The following KYAT1 variants were observed in gnomAD, a reference collection of about 807,000 sequenced individuals.
KYAT1 encodes kynurenine--oxoglutarate transaminase 1.
KYAT1 carries 47 observed loss-of-function variants against 52.4 expected under a neutral mutation model. That is an observed-to-expected ratio of 0.90 (90% confidence interval 0.71 to 1.14). The LOEUF is 1.14. Ranked by LOEUF, KYAT1 falls within the 50% of genes most tolerant of loss-of-function variation. The pLI, the probability that KYAT1 is intolerant of heterozygous loss-of-function variation, is 0.00. For missense variants in KYAT1, 480 were observed against 557.9 expected (o/e 0.86, Z 1.41); for synonymous variants, 212 against 209.6 (o/e 1.01, Z -0.10).
chr9:128,840,242 G>C (rs1445582009), intron 3 of KYAT1, among the ~76,000 whole-genome samples: 4 of 151,326 alleles, frequency 2.6e-5, no homozygotes, highest in Admixed American at 6.6e-5. Flanking sequence ...TTTGAGACCA[G>C]CCTGGGTAAC....
chr9:128,836,888 C>A lies in KYAT1; in HGVS notation c.602G>T (p.Ser201Ile). 6.2e-7 allele frequency: 1 copy of A among 1,613,792 alleles called. No homozygotes were observed. Among genetic ancestry groups the A allele is most frequent in the Non-Finnish European group, 8.5e-7 (1 of 1,179,990 alleles). Reference protein sequence around the residue: ...FSREELELVASLCQQHDVVCI... With the variant: ...FSREELELVAILCQQHDVVCI... ...CACCACGTCATGCTGCTGGCAAAGG[C>A]TGGCCACCAGCTCCAGCTCTTCCCT... Residue 201 changes from serine (S) to isoleucine (I), a missense_variant, in exon 7 of 13, where the codon AGC becomes ATC. Coordinates refer to ENST00000302586, the MANE Select transcript of KYAT1 (RefSeq NM_004059.5).
At chr9:128,847,938 G>A (rs144796498) in intron 1 of KYAT1, among the ~76,000 whole-genome samples, 58 of 152,282 alleles carry the variant, frequency 3.8e-4, no homozygotes, top group African/African-American at 1.3e-3. Context: ...TATTCCTGCT[G>A]TAAAAGTGGC....
chr9:128,875,238 G>GTTTTTTT (rs937445820), intron 1 of KYAT1, among the ~76,000 whole-genome samples: 4 of 127,732 alleles, frequency 3.1e-5, no homozygotes, highest in African/African-American at 1.2e-4. Flanking sequence ...TGTTCAATTT[G>GTTTTTTT]TTTTTTTTTG....
upstream of KYAT1, chr9:128,882,253 G>A (rs1839065938): frequency 6.6e-6 from 1 of 152,664 alleles, no homozygotes; most frequent in Non-Finnish European, 1.5e-5. Context: ...GAGCCCAGGT[G>A]AGTGGACGGG....
Position 128,881,192 on chromosome 9 carries a change from T to G in KYAT1, c.-7+705A>C, listed in dbSNP as rs752302397. Among the ~76,000 whole-genome samples, 4 of 152,202 alleles carry G rather than the reference T, an allele frequency of 2.6e-5. No homozygotes were observed. The Middle Eastern group carries it at 0.01, about 388-fold the overall frequency. ...ACCTCCCGAGTTCATGCCATTCTCCTGCCTCAGCCTCCAGAGTAGCTGGGA... is the reference window on the plus strand; with the variant it reads ...ACCTCCCGAGTTCATGCCATTCTCCGGCCTCAGCCTCCAGAGTAGCTGGGA... On this transcript the variant is annotated intron_variant, in intron 1 of 12. Coordinates refer to ENST00000302586, the MANE Select transcript of KYAT1 (RefSeq NM_004059.5).
In KYAT1 at chr9:128,838,202, A is replaced by C. The variant is rs1359414919; in HGVS notation, c.351+16T>G. On this transcript the variant is annotated intron_variant, in intron 4 of 12. Transcript: ENST00000302586. The stretch of plus-strand genomic sequence containing the variant: ...TGACCTCTCAGTCCCACTCAGCCCA[A>C]GTCTTGCCCACTCACCTCGTCTCCT... 1 of 1,614,092 alleles carries C rather than the reference A, an allele frequency of 6.2e-7. No homozygotes were observed. The highest frequency in any genetic ancestry group is 2.2e-5 in the East Asian group (1 of 44,896).
chr9:128,847,728 T>G, intron 1 of KYAT1: 1 of 525,810 alleles, frequency 1.9e-6, no homozygotes, highest in Non-Finnish European at 3.4e-6. Flanking sequence ...CTCTGTTGCA[T>G]GATTATCCGA....
At chr9:128,843,123 C>A (rs116499756) in intron 2 of KYAT1, among the ~76,000 whole-genome samples, 31 of 152,300 alleles carry the variant, frequency 2.0e-4, no homozygotes, top group African/African-American at 7.2e-4. Flanking sequence ...GCCGAGATCG[C>A]ACCATTGCAC....
At chr9:128,871,707 G>A (rs1837250314) in intron 1 of KYAT1, among the ~76,000 whole-genome samples, 1 of 152,078 alleles carries the variant, frequency 6.6e-6, no homozygotes, top group African/African-American at 2.4e-5. Context: ...GTGAGATCCT[G>A]TCTCAAAAAA....
chr9:128,880,506 A>G (rs1347047582), intron 1 of KYAT1, among the ~76,000 whole-genome samples: 1 of 151,462 alleles, frequency 6.6e-6, no homozygotes, highest in Non-Finnish European at 1.5e-5. Flanking sequence ...CAGTGGCCCA[A>G]TCTCAGCTCA....
chr9:128,865,245 CA>C lies in KYAT1; in HGVS notation c.-7+16651del, dbSNP rs764268082. On this transcript the variant is annotated intron_variant, in intron 1 of 12. Transcript: ENST00000302586. ...GTCCCTCCCCACATCCCTCCCACAC[CA>C]AAAAAAAAAAAAAAGGCTAAGTCAC... Among the ~76,000 whole-genome samples, 45 of 54,272 alleles carry C rather than the reference CA, an allele frequency of 8.3e-4. 1 individual carries two copies. The highest frequency in any genetic ancestry group is 1.4e-3 in the East Asian group (3 of 2,166). 35.6% of individuals were successfully genotyped at this position (54,272 alleles called of 152,430 possible).
intron 1 of KYAT1, among the ~76,000 whole-genome samples, chr9:128,875,005 G>A (rs1564503756): frequency 6.6e-6 from 1 of 152,060 alleles, no homozygotes. Context: ...GATTACAGGC[G>A]TGAGCCACTG....
At chr9:128,882,263 G>T (rs938577648), upstream of KYAT1, 1 of 152,846 alleles carries the variant, frequency 6.5e-6, no homozygotes, top group East Asian at 1.9e-4. Flanking sequence ...GAGTGGACGG[G>T]GTGGGGAAAG....
intron 1 of KYAT1, among the ~76,000 whole-genome samples, chr9:128,857,934 T>G (rs2130610188): frequency 6.6e-6 from 1 of 152,316 alleles, no homozygotes; most frequent in South Asian, 2.1e-4. Context: ...CTTGGGGTTC[T>G]AGACATAACA....
intron 1 of KYAT1, among the ~76,000 whole-genome samples, chr9:128,874,404 C>A (rs182994210): frequency 6.7e-6 from 1 of 150,232 alleles, no homozygotes; most frequent in African/African-American, 2.5e-5. Flanking sequence ...CTCAACCTAC[C>A]GGGCTCAGGA....
In KYAT1 at chr9:128,852,950, A is replaced by C. The variant is rs1420783344; in HGVS notation, c.-6-7539T>G. 2.0e-5 allele frequency among the ~76,000 whole-genome samples: 3 copies of C among 152,172 alleles called. No individual in the cohort carries two copies. The East Asian group carries it at 5.8e-4, about 29-fold the overall frequency. On this transcript the variant is annotated intron_variant, in intron 1 of 12. Coordinates refer to ENST00000302586, the MANE Select transcript of KYAT1 (RefSeq NM_004059.5). ...GAATAGATCATTTAGCCCCACTCCA[A>C]CTTTTGATTTTTGCTACTGCACATT... is the stretch of plus-strand genomic sequence containing the variant.
rs199798967 is a variant in KYAT1 at position 128,838,051 on chromosome 9, C to T, written c.438G>A (p.Pro146=). 277 of 1,613,800 alleles carry T rather than the reference C, an allele frequency of 1.7e-4. No individual in the cohort carries two copies. The highest frequency in any genetic ancestry group is 2.2e-4 in the Non-Finnish European group (262 of 1,179,854). ...TCCATCCTCTACCTAGCATCCTTAC[C>T]GGCTTCAGGGACACAAACACAGGAC... ...GGRPVFVSLK[P]GPIQNGELGS... is the part of the protein sequence containing the mutation. Residue 146 remains proline, a splice_region_variant and synonymous_variant, in exon 5 of 13, where the codon CCG becomes CCA. Transcript: ENST00000302586.
At chr9:128,874,875 C>A (rs1235188836) in intron 1 of KYAT1, among the ~76,000 whole-genome samples, 1 of 151,938 alleles carries the variant, frequency 6.6e-6, no homozygotes, top group African/African-American at 2.4e-5. Flanking sequence ...CAGGCACGCA[C>A]CACCATGCCC....
chr9:128,849,855 T>A (rs1833695768), intron 1 of KYAT1, among the ~76,000 whole-genome samples: 3 of 145,150 alleles, frequency 2.1e-5, no homozygotes, highest in Admixed American at 6.9e-5. Context: ...TCTCACAGAA[T>A]ACACACATAT....
Sources: allele counts gnomAD v4.1 joint callset (sites outside exome capture counted in the v4.1 genomes callset), GRCh38; gene constraint gnomAD v4.1.1; transcripts MANE v1.5; gene names NCBI Gene and HGNC (gene_info 2026-07-23, HGNC 2026-07-21).